Variants in HMGN5 observed in about 807,000 individuals in gnomAD.
The protein encoded by HMGN5 is high mobility group nucleosome binding domain 5.
HMGN5 carries 4 observed loss-of-function variants against 9.5 expected under a neutral mutation model. The ratio of observed to expected loss-of-function variants is 0.42; its 90% CI spans 0.21 to 0.96. HMGN5 has a LOEUF of 0.96. HMGN5 is among the 40% of genes least tolerant of loss of function. HMGN5 has a pLI of 0.30. For missense variants in HMGN5, 192 were observed against 187.5 expected, an observed-to-expected ratio of 1.02 and a Z score of -0.14; for synonymous variants, 55 against 57.1, an observed-to-expected ratio of 0.96 and a Z score of 0.16.
chrX:81,162,505 G>A (rs1046176788), intron 1 of HMGN5, among the ~76,000 whole-genome samples: 2 of 109,274 alleles, frequency 1.8e-5, no homozygotes, highest in African/African-American at 3.3e-5. Flanking sequence ...ACAAAACAAG[G>A]AACTGGCAAT....
chrX:81,198,111 G>A (rs1481887493), intron 1 of HMGN5, among the ~76,000 whole-genome samples: 2 of 111,461 alleles, frequency 1.8e-5, no homozygotes, highest in African/African-American at 6.5e-5. Context: ...CAATGATTAC[G>A]TACATAGGGA....
chrX:81,194,698 A>G (rs138720344), intron 1 of HMGN5, among the ~76,000 whole-genome samples: 1 of 111,975 alleles, frequency 8.9e-6, no homozygotes, highest in East Asian at 2.8e-4. Context: ...GAAACTGACA[A>G]ACTGAAACAT....
chrX:81,140,396 T>C (rs2075324997), intron 1 of HMGN5, among the ~76,000 whole-genome samples: 1 of 109,109 alleles, frequency 9.2e-6, no homozygotes, highest in African/African-American at 3.3e-5. Flanking sequence ...CCGTCTCTGC[T>C]AAAAATACAA....
intron 1 of HMGN5, among the ~76,000 whole-genome samples, chrX:81,171,788 A>G (rs2075426477): frequency 1.8e-5 from 2 of 111,430 alleles, no homozygotes; most frequent in Admixed American, 1.9e-4. Flanking sequence ...CCAACCCTTG[A>G]TCACTACATT....
chrX:81,115,699 G>T (rs1437479593), intron 6 of HMGN5, among the ~76,000 whole-genome samples: 2 of 111,901 alleles, frequency 1.8e-5, no homozygotes, highest in East Asian at 2.8e-4. Context: ...ACTTACAAAA[G>T]ATTTTCCATA....
chrX:81,137,881 GCAGT>G (rs2075315866), intron 1 of HMGN5, among the ~76,000 whole-genome samples: 1 of 111,460 alleles, frequency 9.0e-6, no homozygotes, highest in Non-Finnish European at 1.9e-5. Context: ...TACAGATCTT[GCAGT>G]TAATGAAAGG....
At chrX:81,133,704 A>C (rs1423887885) in intron 1 of HMGN5, among the ~76,000 whole-genome samples, 1 of 110,654 alleles carries the variant, frequency 9.0e-6, no homozygotes, top group Non-Finnish European at 1.9e-5. Context: ...ACTGGGACCT[A>C]TTAGAGGGTG....
At chrX:81,125,569 T>C in intron 1 of HMGN5, among the ~76,000 whole-genome samples, 1 of 111,993 alleles carries the variant, frequency 8.9e-6, no homozygotes, top group Middle Eastern at 4.6e-3. Flanking sequence ...AATACTGAAT[T>C]AAAGAGTAGC....
intron 1 of HMGN5, among the ~76,000 whole-genome samples, chrX:81,184,590 T>C (rs780441912): frequency 3.6e-5 from 4 of 110,984 alleles, no homozygotes; most frequent in South Asian, 3.8e-4. Context: ...TGTTTTGTCT[T>C]TGTTTTTGTT....
At chrX:81,156,302 T>C (rs2075382774) in intron 1 of HMGN5, among the ~76,000 whole-genome samples, 1 of 112,111 alleles carries the variant, frequency 8.9e-6, no homozygotes, top group Non-Finnish European at 1.9e-5. Flanking sequence ...GGCCAAGGTA[T>C]GGACAGAAGT....
At chrX:81,174,472 T>G (rs993020212) in intron 1 of HMGN5, among the ~76,000 whole-genome samples, 1 of 111,526 alleles carries the variant, frequency 9.0e-6, no homozygotes, top group Admixed American at 9.5e-5. Flanking sequence ...TAAATATTTT[T>G]TGAGCAACTA....
chrX:81,198,540 G>A (rs1417366064), intron 1 of HMGN5, among the ~76,000 whole-genome samples: 1 of 111,522 alleles, frequency 9.0e-6, no homozygotes, highest in African/African-American at 3.3e-5. Context: ...CGATCAAGTT[G>A]GCTTCATCCC....
At position 81,178,688 on chromosome X, in the gene HMGN5, C is replaced by T. The variant is rs1458014281; in HGVS notation, c.-124+23049G>A. ...TCAATAGAAAAAGAGGGAATCCTTG[C>T]TAACTCATTTTGTGAGGCCAACATC... On this transcript the variant is annotated intron_variant, in intron 1 of 6. Coordinates refer to ENST00000358130, the MANE Select transcript of HMGN5 (RefSeq NM_030763.3). Among the ~76,000 whole-genome samples, 6 of 112,005 alleles carry T rather than the reference C, an allele frequency of 5.4e-5. No homozygotes were observed. The Admixed American group carries it at 5.7e-4, about 11-fold the overall frequency.
chrX:81,178,957 G>C (rs1279040082), intron 1 of HMGN5, among the ~76,000 whole-genome samples: 2 of 111,307 alleles, frequency 1.8e-5, no homozygotes, highest in African/African-American at 6.5e-5. Flanking sequence ...AAACCACATG[G>C]TTATTTCAAT....
chrX:81,135,575 T>C (rs1350364744), intron 1 of HMGN5, among the ~76,000 whole-genome samples: 1 of 110,514 alleles, frequency 9.0e-6, no homozygotes, highest in African/African-American at 3.3e-5. Context: ...AAGAACCCAG[T>C]AACAAAGTGA....
intron 1 of HMGN5, among the ~76,000 whole-genome samples, chrX:81,132,208 A>G (rs775508264): frequency 7.4e-4 from 83 of 111,606 alleles, no homozygotes; most frequent in African/African-American, 2.6e-3. Context: ...CAAAGAAATC[A>G]GAGATGAAAC....
chrX:81,177,773 A>T (rs1350437490), intron 1 of HMGN5, among the ~76,000 whole-genome samples: 2 of 111,699 alleles, frequency 1.8e-5, no homozygotes, highest in African/African-American at 3.3e-5. Context: ...TTTTCTCAGC[A>T]CCACATCACA....
At chrX:81,199,324 A>T (rs749302417) in intron 1 of HMGN5, among the ~76,000 whole-genome samples, 1 of 111,722 alleles carries the variant, frequency 9.0e-6, no homozygotes, top group East Asian at 2.8e-4. Context: ...TATAGATTCA[A>T]TGCTATCCCC....
At chrX:81,193,959 T>A (rs1163901470) in intron 1 of HMGN5, among the ~76,000 whole-genome samples, 1 of 111,742 alleles carries the variant, frequency 8.9e-6, no homozygotes, top group Non-Finnish European at 1.9e-5. Flanking sequence ...AGTGTGGTAA[T>A]GGCACAAGGG....
Sources: allele counts gnomAD v4.1 joint callset (sites outside exome capture counted in the v4.1 genomes callset), GRCh38; gene constraint gnomAD v4.1.1; transcripts MANE v1.5; gene names NCBI Gene and HGNC (gene_info 2026-07-23, HGNC 2026-07-21).